GANAB: variants seen among roughly 807,000 people sequenced by gnomAD.
The protein encoded by GANAB is glucosidase II alpha subunit, also known as neutral alpha-glucosidase AB.
A neutral mutation model predicts 129.9 loss-of-function variants in GANAB; 35 were observed. The observed-to-expected ratio is 0.27, with a 90% CI of 0.21 to 0.36. GANAB has a LOEUF of 0.36. Among genes scored for constraint, GANAB ranks in the 10% least tolerant of loss-of-function variants. The probability of loss-of-function intolerance (pLI) is 1.00; values close to 1 mark genes in which losing one functional copy is unlikely to be tolerated. For synonymous variants in GANAB, 482 were observed against 451.8 expected, an observed-to-expected ratio of 1.07 and a Z score of -0.85; for missense variants, 939 against 1,221.0, an observed-to-expected ratio of 0.77 and a Z score of 3.44.
chr11:62,644,455 C>T (rs1944391715), intron 1 of GANAB, among the ~76,000 whole-genome samples: 3 of 150,348 alleles, frequency 2.0e-5, no homozygotes, highest in East Asian at 2.0e-4. Flanking sequence ...CTCGTCTCTA[C>T]TTAAAAAAAA....
At chr11:62,644,037 C>T (rs554772737) in intron 1 of GANAB, among the ~76,000 whole-genome samples, 21 of 152,240 alleles carry the variant, frequency 1.4e-4, no homozygotes, top group Admixed American at 5.2e-4. Flanking sequence ...CTCTGCCTCG[C>T]GGGTTCAAGC....
chr11:62,639,325 C>T, intron 3 of GANAB, 34 bp downstream of exon 3: 1 of 1,420,076 alleles, frequency 7.0e-7, no homozygotes, highest in Non-Finnish European at 1.0e-6. Context: ...GCCATTGCCC[C>T]ACCCCCACCA....
At chr11:62,634,346 C>G in intron 5 of GANAB, 1 of 1,611,922 alleles carries the variant, frequency 6.2e-7, no homozygotes, top group Non-Finnish European at 8.5e-7. Flanking sequence ...CCATATGCTA[C>G]CAAGCGTGAG....
At chr11:62,626,516 T>G in intron 21 of GANAB, 55 bp downstream of exon 21, 2 of 1,504,802 alleles carry the variant, frequency 1.3e-6, no homozygotes, top group Non-Finnish European at 1.9e-6. Context: ...CCCAGAGAAC[T>G]GAGTCCTAGG....
intron 5 of GANAB, 60 bp from the exon 6 acceptor site, chr11:62,633,574 G>A: frequency 7.0e-7 from 1 of 1,437,404 alleles, no homozygotes; most frequent in Non-Finnish European, 9.8e-7. Flanking sequence ...GGGGCTAGTG[G>A]AAGGAGGGGT....
intron 5 of GANAB, among the ~76,000 whole-genome samples, chr11:62,634,111 C>A (rs1391072286): frequency 7.2e-5 from 11 of 152,192 alleles, no homozygotes; most frequent in Non-Finnish European, 1.5e-4. Flanking sequence ...TCCCGAAGGA[C>A]CTGACTTTCA....
In GANAB at chr11:62,625,330, A is replaced by ATTT. The variant is rs1943315999; in HGVS notation, c.*484_*485insAAA. 2.2e-6 allele frequency: 1 copy of ATTT among 454,044 alleles called. No homozygotes were observed. Among genetic ancestry groups the ATTT allele is most frequent in the Admixed American group, 2.4e-5 (1 of 41,650 alleles). 28.1% of individuals were successfully genotyped at this position (454,044 alleles called of 1,614,324 possible). A position where few individuals can be genotyped will look rare whatever the true frequency, so the allele number is the denominator to read the frequency against. The stretch of plus-strand genomic sequence containing the variant: ...GGTCCCAGTGTATCGGTGGGGCATA[A>ATTT]AAAGGGGAGTAAAGCCTGGAGGAAG... On this transcript the variant is annotated 3_prime_UTR_variant, in exon 24 of 24. Transcript: ENST00000356638.
intron 14 of GANAB, 50 bp from the exon 15 acceptor site, chr11:62,629,734 A>T: frequency 6.2e-7 from 1 of 1,604,898 alleles, no homozygotes; most frequent in African/African-American, 1.3e-5. Flanking sequence ...GCCAGCTGTC[A>T]TCTGGTGCAA....
Position 62,633,018 on chromosome 11 carries a change from G to T in GANAB, c.802C>A (p.Leu268Met). ...GIPEHADNLR[L>M]KVTEGGEPYR... ...CATAGGACTCACTCAGTGACCTTCA[G>T]CCTCAGGTTGTCTGCATGCTCAGGG... The change falls in exon 8 of 24, where the codon CTG (leucine) becomes ATG (methionine). Residue 268 changes from leucine (L) to methionine (M), a missense_variant. By Grantham distance (15) the Leu-to-Met change is conservative (BLOSUM62 2). Around this residue, in one of 5 missense-constraint regions of GANAB, gnomAD observed 21 missense variants for 53.7 expected, o/e 0.39. Coordinates refer to ENST00000356638, the MANE Select transcript of GANAB (RefSeq NM_198334.3). The T allele has an allele frequency of 6.3e-7, 1 of 1,597,002 alleles. No homozygotes were observed. The highest frequency in any genetic ancestry group is 8.6e-7 in the Non-Finnish European group (1 of 1,164,470).
chr11:62,625,574 C>G lies in GANAB; in HGVS notation c.*241G>C, dbSNP rs768066030. 14 of 545,214 alleles carry G rather than the reference C, an allele frequency of 2.6e-5. No individual in the cohort carries two copies. The highest frequency in any genetic ancestry group is 4.6e-5 in the Non-Finnish European group (14 of 301,922). 33.8% of individuals were successfully genotyped at this position (545,214 alleles called of 1,614,324 possible). A position where few individuals can be genotyped will look rare whatever the true frequency, so the allele number is the denominator to read the frequency against. ...AGTGAATGTGCTCCAGTTAGAGCAA[C>G]AGGATGTTGGGGGAATGAAGGGAAA... On this transcript the variant is annotated 3_prime_UTR_variant, in exon 24 of 24. Coordinates refer to ENST00000356638, the MANE Select transcript of GANAB (RefSeq NM_198334.3).
At chr11:62,643,002 C>T (rs1052553988) in intron 1 of GANAB, among the ~76,000 whole-genome samples, 1 of 152,174 alleles carries the variant, frequency 6.6e-6, no homozygotes, top group South Asian at 2.1e-4. Context: ...ATACAGCACA[C>T]TAATCACTAG....
chr11:62,636,261 G>A (rs1047136468), intron 4 of GANAB, among the ~76,000 whole-genome samples: 3 of 151,938 alleles, frequency 2.0e-5, no homozygotes, highest in Non-Finnish European at 4.4e-5. Context: ...GAAGTGCTGG[G>A]ATTACAGGTA....
rs1351692263 is a variant in GANAB at position 62,630,722 on chromosome 11, G to A, written c.1265C>T (p.Pro422Leu). Residue 422 changes from proline to leucine, a missense_variant, in exon 11 of 24, where the codon CCC becomes CTC. Around this residue, in one of 5 missense-constraint regions of GANAB, gnomAD observed 220 missense variants for 295.9 expected, o/e 0.74. Coordinates refer to ENST00000356638, the MANE Select transcript of GANAB (RefSeq NM_198334.3). ...VDQGFDDHNL[P>L]CDVIWLDIEH... ...AATGTCTAGCCAGATGACATCACAG[G>A]GCAGGTTGTGATCATCAAAGCCCTG... 1 of 1,613,816 alleles carries A rather than the reference G, an allele frequency of 6.2e-7. No individual in the cohort carries two copies. The highest frequency in any genetic ancestry group is 1.7e-5 in the Admixed American group (1 of 60,016).
At chr11:62,629,066 T>C in intron 16 of GANAB, 54 bp from the exon 17 acceptor site, 4 of 1,599,074 alleles carry the variant, frequency 2.5e-6, no homozygotes, top group South Asian at 1.1e-5. Context: ...GGAGAGATAC[T>C]GCTTGAGAAA....
Position 62,639,713 on chromosome 11 carries a change from T to C in GANAB, c.57A>G (p.Val19=). 6.2e-7 allele frequency: 1 copy of C among 1,613,432 alleles called. No individual in the cohort carries two copies. The highest frequency in any genetic ancestry group is 8.5e-7 in the Non-Finnish European group (1 of 1,179,532). ...ARRRRSWASL[V]LAFLGVCLGI... is the part of the protein sequence containing the mutation. ...CCAGGCAGACCCCTAAAAAAGCCAG[T>C]ACCAAAGACGCCCAAGACCTAAGGA... Residue 19 remains valine, a synonymous_variant, in exon 2 of 24, where the codon GTA becomes GTG. Transcript: ENST00000356638.
intron 20 of GANAB, 69 bp downstream of exon 20, chr11:62,626,791 G>GCA: frequency 2.2e-6 from 3 of 1,349,966 alleles, no homozygotes; most frequent in Non-Finnish European, 3.2e-6. Context: ...GGACCCTAAG[G>GCA]CACACATTCC....
chr11:62,632,368 C>T (rs1366112127), intron 9 of GANAB, among the ~76,000 whole-genome samples, 197 bp downstream of exon 9: 3 of 152,198 alleles, frequency 2.0e-5, no homozygotes, highest in Non-Finnish European at 4.4e-5. Flanking sequence ...TCCGTCAGCC[C>T]AGAATAGGCA....
chr11:62,635,985 T>A (rs1291180815), intron 4 of GANAB, among the ~76,000 whole-genome samples: 4 of 151,832 alleles, frequency 2.6e-5, no homozygotes, highest in Admixed American at 6.6e-5. Flanking sequence ...GCAGAAAGAT[T>A]ATGACTTAAA....
chr11:62,634,246 A>T, intron 5 of GANAB: 1 of 1,119,924 alleles, frequency 8.9e-7, no homozygotes, highest in Non-Finnish European at 1.4e-6. Context: ...CTCCCCCCAA[A>T]GGCTAGAGTG....
Sources: gnomAD v4.1 joint callset for allele counts (sites outside exome capture counted in the v4.1 genomes callset) on GRCh38, gnomAD v4.1.1 for gene constraint, gnomAD v4.1.1 regional missense constraint, MANE v1.5 for transcripts, NCBI Gene and HGNC (gene_info 2026-07-23, HGNC 2026-07-21) for gene names.